SV2A: variants seen among roughly 807,000 people sequenced by gnomAD.
SV2A encodes synaptic vesicle glycoprotein 2A.
SV2A carries 25 observed loss-of-function variants against 78.0 expected under a neutral mutation model. The ratio of observed to expected loss-of-function variants is 0.32; its 90% CI spans 0.23 to 0.45. The LOEUF is 0.45. Ranked by LOEUF, SV2A falls within the 20% of genes least tolerant of loss-of-function variation. The probability of loss-of-function intolerance (pLI) is 1.00; values close to 1 mark genes in which losing one functional copy is unlikely to be tolerated. For synonymous variants in SV2A, 355 were observed against 384.7 expected (o/e 0.92, Z 0.90); for missense variants, 752 against 971.5 (o/e 0.77, Z 3.00).
chr1:149,913,203 GC>G lies in SV2A; in HGVS notation c.622+15del. 1 of 1,609,400 alleles carries G rather than the reference GC, an allele frequency of 6.2e-7. No homozygotes were observed. Among genetic ancestry groups the G allele is most frequent in the Non-Finnish European group, 8.5e-7 (1 of 1,177,926 alleles). ...CAGAGTTTGAGGGGATAAGGCTGGA[GC>G]CCCCCATGTCTTACCTAGCATGCCT... On this transcript the variant is annotated intron_variant, in intron 2 of 12. Transcript: ENST00000369146.
At position 149,909,495 on chromosome 1, in the gene SV2A, C is replaced by T. The variant is rs782353989; in HGVS notation, c.1256G>A (p.Arg419His). 3.7e-6 allele frequency: 6 copies of T among 1,613,980 alleles called. No homozygotes were observed. The highest frequency in any genetic ancestry group is 5.1e-6 in the Non-Finnish European group (6 of 1,179,976). ...IQSDTGTWYQ[R>H]WGVRALSLGG... ...TAGGCTCAAGGCCCGGACCCCCCAG[C>T]GCTGGTACCAGGTCCCTGTGTCCGA... The change falls in exon 7 of 13, where the codon CGC becomes CAC. Residue 419 changes from arginine to histidine, a missense_variant. Arg to His is a conservative substitution (Grantham distance 29). Coordinates refer to ENST00000369146, the MANE Select transcript of SV2A (RefSeq NM_014849.5).
chr1:149,906,970 A>T (rs2092442836), intron 10 of SV2A, 114 bp from the exon 11 acceptor site: 1 of 1,516,796 alleles, frequency 6.6e-7, no homozygotes, highest in Non-Finnish European at 8.9e-7. Flanking sequence ...GGGCTCTCAA[A>T]ATTATTCACA....
In SV2A at chr1:149,910,882, C is replaced by G. The variant is rs1364155213; in HGVS notation, c.899G>C (p.Trp300Ser). Residue 300 changes from tryptophan to serine, a missense_variant, in exon 4 of 13, where the codon TGG (tryptophan) becomes TCG (serine). Transcript: ENST00000369146. This position sits in a 1 kb window ranked among gnomAD's most constrained non-coding sequence, Gnocchi z 4.2. ...AGCTGCGTACACGCCACCAATCATC[C>G]AAAACATGCAGAGCCAGCTCAAATG... ...GEHLSWLCMF[W>S]MIGGVYAAAM... 1 of 1,614,108 alleles carries G rather than the reference C, an allele frequency of 6.2e-7. No individual in the cohort carries two copies. Among genetic ancestry groups the G allele is most frequent in the African/African-American group, 1.3e-5 (1 of 74,934 alleles).
chr1:149,908,556 A>G (rs2092453917), intron 8 of SV2A, among the ~76,000 whole-genome samples: 2 of 145,354 alleles, frequency 1.4e-5, no homozygotes. Flanking sequence ...TTAGGTCCCC[A>G]CCCCAGCCCA....
intron 8 of SV2A, 40 bp downstream of exon 8, chr1:149,909,152 C>A: frequency 6.3e-7 from 1 of 1,596,888 alleles, no homozygotes; most frequent in South Asian, 1.1e-5. Flanking sequence ...CACACACCAC[C>A]ACAACCACCA....
In SV2A at chr1:149,913,298, C is replaced by T. The variant is rs782089162; in HGVS notation, c.543G>A (p.Val181=). 1.9e-6 allele frequency: 3 copies of T among 1,614,194 alleles called. No homozygotes were observed. The highest frequency in any genetic ancestry group is 2.5e-6 in the Non-Finnish European group (3 of 1,180,034). Residue 181 remains valine (V), a synonymous_variant, in exon 2 of 13, where the codon GTG becomes GTA. Transcript: ENST00000369146. ...VLGLALMADG[V]EVFVVGFVLP... ...GCACGAAGCCCACCACAAAGACCTC[C>T]ACACCGTCAGCCATCAGCGCCAGAC...
In SV2A at chr1:149,904,981, G is replaced by A; in HGVS notation, c.*33C>T. ...AGGAAGGAGTTGTTGGTCTCACAGT[G>A]TGCCTGCCAATCCCAAAGCCCTAGA... On this transcript the variant is annotated 3_prime_UTR_variant, in exon 13 of 13. Transcript: ENST00000369146. 1.3e-6 allele frequency: 2 copies of A among 1,581,176 alleles called. No homozygotes were observed. The highest frequency in any genetic ancestry group is 8.6e-7 in the Non-Finnish European group (1 of 1,162,292).
At chr1:149,913,103 G>T in intron 2 of SV2A, 116 bp downstream of exon 2, 1 of 1,343,994 alleles carries the variant, frequency 7.4e-7, no homozygotes, top group Non-Finnish European at 1.0e-6. Flanking sequence ...GAGCCCTCTG[G>T]GAACATCTTG....
intron 8 of SV2A, 129 bp downstream of exon 8, chr1:149,909,063 G>C (rs782055934): frequency 3.7e-6 from 3 of 820,252 alleles, no homozygotes; most frequent in Non-Finnish European, 6.1e-6. Context: ...GCTGGCTGCA[G>C]GATCAGAGGG....
Position 149,910,890 on chromosome 1 carries a change from G to A in SV2A, c.891C>T (p.Cys297=), listed in dbSNP as rs1163869863. The change falls in exon 4 of 13, where the codon TGC becomes TGT. Residue 297 remains cysteine (C), a synonymous_variant. Coordinates refer to ENST00000369146, the MANE Select transcript of SV2A (RefSeq NM_014849.5). This position sits in a 1 kb window ranked among gnomAD's most constrained non-coding sequence, Gnocchi z 4.2. ...EKRGEHLSWL[C]MFWMIGGVYA... ...ACACGCCACCAATCATCCAAAACAT[G>A]CAGAGCCAGCTCAAATGCTCCCCTC... 3 of 1,614,248 alleles carry A rather than the reference G, an allele frequency of 1.9e-6. No individual in the cohort carries two copies. The highest frequency in any genetic ancestry group is 1.7e-5 in the Admixed American group (1 of 60,026).
At chr1:149,907,124 G>A (rs1028728114) in intron 10 of SV2A, 9 of 425,072 alleles carry the variant, frequency 2.1e-5, no homozygotes, top group Non-Finnish European at 2.2e-5. Flanking sequence ...CTTTCTGTCC[G>A]TGCTAGCTGA....
chr1:149,907,857 A>G (rs1553763001), intron 9 of SV2A, 24 bp from the exon 10 acceptor site: 5 of 1,610,408 alleles, frequency 3.1e-6, no homozygotes, highest in Middle Eastern at 3.3e-4. Context: ...ATGGTGAAAG[A>G]CACTCCCCCG....
chr1:149,906,420 A>G (rs2092438532), intron 11 of SV2A, among the ~76,000 whole-genome samples: 1 of 152,124 alleles, frequency 6.6e-6, no homozygotes, highest in Non-Finnish European at 1.5e-5. Context: ...TTCAAAACCC[A>G]TAACCTCAAA....
rs782532343 is a variant in SV2A, at chr1:149,909,468, C to A, written c.1283G>T (p.Gly428Val). 1.4e-5 allele frequency: 22 copies of A among 1,613,714 alleles called. No homozygotes were observed. Among genetic ancestry groups the A allele is most frequent in the East Asian group, 2.2e-5 (1 of 44,874 alleles). Residue 428 changes from glycine to valine, a missense_variant, in exon 7 of 13, where the codon GGG becomes GTG. Gly to Val is a moderately radical substitution (Grantham distance 109). Transcript: ENST00000369146. ...QRWGVRALSL[G>V]GQVWGNFLSC... ...CACCCCGTCCACCATTACCTGCCCCCCTAGGCTCAAGGCCCGGACCCCCCA... is the reference window on the plus strand; with the variant it reads ...CACCCCGTCCACCATTACCTGCCCCACTAGGCTCAAGGCCCGGACCCCCCA...
chr1:149,906,173 CA>C, intron 11 of SV2A, 134 bp from the exon 12 acceptor site: 2 of 1,023,320 alleles, frequency 2.0e-6, no homozygotes, highest in Non-Finnish European at 2.8e-6. Context: ...CCAAGGTATC[CA>C]AAAGGAAGGC....
At chr1:149,916,100 C>T (rs2101628971) in intron 1 of SV2A, among the ~76,000 whole-genome samples, 1 of 152,286 alleles carries the variant, frequency 6.6e-6, no homozygotes. Flanking sequence ...CATGAAAGAG[C>T]TGGAACTGCG....
In SV2A at chr1:149,913,927, A is replaced by G; in HGVS notation, c.-87T>C. 6.7e-7 allele frequency: 1 copy of G among 1,503,454 alleles called. No individual in the cohort carries two copies. Among genetic ancestry groups the G allele is most frequent in the Non-Finnish European group, 8.9e-7 (1 of 1,128,678 alleles). 93.1% of individuals were successfully genotyped at this position (1,503,454 alleles called of 1,614,324 possible). A position where few individuals can be genotyped will look rare whatever the true frequency, so the allele number is the denominator to read the frequency against. ...CTCAAGGACTTGTAGAGTCAAAAAGACCCCTCCCCACAGTTACTTAGATGA... is the reference window on the plus strand; with the variant it reads ...CTCAAGGACTTGTAGAGTCAAAAAGGCCCCTCCCCACAGTTACTTAGATGA... On this transcript the variant is annotated 5_prime_UTR_variant, in exon 2 of 13. Transcript: ENST00000369146.
intron 1 of SV2A, among the ~76,000 whole-genome samples, chr1:149,916,123 C>T (rs1324381762): frequency 9.9e-5 from 15 of 152,156 alleles, no homozygotes; most frequent in African/African-American, 3.6e-4. Context: ...ATCCCCTCAG[C>T]GCATGGCAAT....
At chr1:149,905,685 T>A in intron 12 of SV2A, 195 bp downstream of exon 12, 1 of 671,204 alleles carries the variant, frequency 1.5e-6, no homozygotes, top group Non-Finnish European at 2.5e-6. Context: ...TCAGGTGATC[T>A]GCCTGCCTCG....
Sources: allele counts gnomAD v4.1 joint callset (sites outside exome capture counted in the v4.1 genomes callset), GRCh38; gene constraint gnomAD v4.1.1; non-coding constraint Gnocchi (gnomAD v3.1); transcripts MANE v1.5; gene names NCBI Gene and HGNC (gene_info 2026-07-23, HGNC 2026-07-21).